RGPD1: variants seen among roughly 807,000 people sequenced by gnomAD.
The protein encoded by RGPD1 is RANBP2 like and GRIP domain containing 1.
RGPD1 carries 7 observed loss-of-function variants against 40.6 expected under a neutral mutation model. The ratio of observed to expected loss-of-function variants is 0.17; its 90% CI spans 0.10 to 0.32. RGPD1 has a LOEUF of 0.32. Among genes scored for constraint, RGPD1 ranks in the 10% least tolerant of loss-of-function variants. RGPD1 has a pLI of 1.00. For missense variants in RGPD1, 50 were observed against 472.5 expected, an observed-to-expected ratio of 0.11 and a Z score of 8.29; for synonymous variants, 24 against 167.0, an observed-to-expected ratio of 0.14 and a Z score of 6.60.
chr2:86,942,694 TGGCCTCGACGTGGCCCGGCGGC>T (rs978515699), intron 1 of RGPD1, among the ~76,000 whole-genome samples: 7 of 107,974 alleles, frequency 6.5e-5, no homozygotes, highest in Admixed American at 8.9e-5. Flanking sequence ...CGGGCGGCGG[TGGCCTCGACGTGGCCCGGCGGC>T]GGCCTCGATG....
At chr2:86,931,198 C>G (rs1678934714) in intron 1 of RGPD1, among the ~76,000 whole-genome samples, 1 of 149,898 alleles carries the variant, frequency 6.7e-6, no homozygotes, top group Non-Finnish European at 1.5e-5. Context: ...ATAGGATATC[C>G]TTTCTCCTGG....
intron 1 of RGPD1, among the ~76,000 whole-genome samples, chr2:86,942,926 C>T (rs1307741579): frequency 2.0e-5 from 3 of 152,036 alleles, no homozygotes; most frequent in African/African-American, 7.2e-5. Context: ...CGCTCGTGGG[C>T]CCGCCCTGGC....
At chr2:86,925,228 A>AT (rs201956842) in intron 1 of RGPD1, among the ~76,000 whole-genome samples, 38,560 of 150,022 alleles carry the variant, frequency 0.26, 5,488 homozygotes, top group East Asian at 0.43. Flanking sequence ...GATGAGCAGA[A>AT]TTTTTTATTT....
intron 20 of RGPD1, among the ~76,000 whole-genome samples, chr2:86,993,234 C>G (rs1338858011): frequency 6.6e-6 from 1 of 151,654 alleles, no homozygotes; most frequent in East Asian, 1.9e-4. Context: ...TCTAGACATG[C>G]ACACTGTAAC....
At chr2:86,926,737 G>A (rs1160352722) in intron 1 of RGPD1, among the ~76,000 whole-genome samples, 2 of 152,158 alleles carry the variant, frequency 1.3e-5, no homozygotes, top group Admixed American at 6.5e-5. Context: ...TTAATCCCAT[G>A]TGGTAGTTAA....
rs1322966012 is a variant in RGPD1, at chr2:86,918,197, C to G, written c.72+4276C>G. 4.6e-5 allele frequency among the ~76,000 whole-genome samples: 7 copies of G among 151,194 alleles called. 1 individual carries two copies. In the East Asian group the frequency reaches 5.8e-4, roughly 13 times the overall value. The stretch of plus-strand genomic sequence containing the variant: ...ACCATCTACTCTGTACTTATACCAT[C>G]TACTCTGTTAATGGTATAAGGCCTT... On this transcript the variant is annotated intron_variant, in intron 1 of 22. Transcript: ENST00000398193.
At chr2:86,943,385 A>G (rs1052557872) in intron 1 of RGPD1, among the ~76,000 whole-genome samples, 1 of 149,592 alleles carries the variant, frequency 6.7e-6, no homozygotes, top group Admixed American at 6.8e-5. Flanking sequence ...AACCTTTTCC[A>G]CAAATGTTTT....
intron 1 of RGPD1, among the ~76,000 whole-genome samples, chr2:86,943,526 T>C (rs1680085537): frequency 6.6e-6 from 1 of 152,138 alleles, no homozygotes; most frequent in African/African-American, 2.4e-5. Context: ...TGAGTCAGTT[T>C]GCTTTGGCTT....
At chr2:86,941,721 G>GT (rs949096977), upstream of RGPD1, among the ~76,000 whole-genome samples, 1,574 of 111,588 alleles carry the variant, frequency 0.014, 21 homozygotes, top group African/African-American at 0.073. Flanking sequence ...AATGCGCTTT[G>GT]TTTTTTTTTT....
intron 1 of RGPD1, among the ~76,000 whole-genome samples, chr2:86,924,305 G>A (rs531648552): frequency 2.6e-4 from 39 of 151,536 alleles, no homozygotes; most frequent in Middle Eastern, 6.8e-3. Context: ...ACAGGTATGC[G>A]CCACCATGCC....
At chr2:86,943,273 GC>G (rs1205312059) in intron 1 of RGPD1, among the ~76,000 whole-genome samples, 139 of 74,638 alleles carry the variant, frequency 1.9e-3, no homozygotes, top group Middle Eastern at 0.013. Context: ...CACCTCCCTC[GC>G]CCCCCCCCCA....
intron 1 of RGPD1, among the ~76,000 whole-genome samples, chr2:86,927,100 A>G (rs1339136101): frequency 6.6e-6 from 1 of 152,000 alleles, no homozygotes; most frequent in African/African-American, 2.4e-5. Context: ...TTTCCTTCCC[A>G]CTTAAATCAG....
intron 1 of RGPD1, among the ~76,000 whole-genome samples, chr2:86,931,767 A>G (rs1678982484): frequency 6.6e-6 from 1 of 150,454 alleles, no homozygotes; most frequent in Admixed American, 6.6e-5. Flanking sequence ...ATAAAACTAC[A>G]TAAAAATCGA....
intron 1 of RGPD1, among the ~76,000 whole-genome samples, chr2:86,924,929 T>TA (rs2104682464): frequency 1.4e-5 from 2 of 146,370 alleles, no homozygotes; most frequent in East Asian, 4.1e-4. Context: ...CTGGGCAACA[T>TA]ATTATATAGT....
intron 1 of RGPD1, chr2:86,930,805 C>A: frequency 1.0e-6 from 1 of 971,452 alleles, no homozygotes; most frequent in Non-Finnish European, 1.5e-6. Flanking sequence ...CCGCCAGCCG[C>A]CCCGCCCCTG....
At chr2:86,935,157 G>T (rs1474698043) in intron 1 of RGPD1, among the ~76,000 whole-genome samples, 1 of 147,088 alleles carries the variant, frequency 6.8e-6, no homozygotes, top group African/African-American at 2.5e-5. Context: ...ACCCTGTTTA[G>T]ATATGATGGT....
chr2:86,930,579 A>G, intron 1 of RGPD1: 1 of 1,611,128 alleles, frequency 6.2e-7, no homozygotes, highest in South Asian at 1.1e-5. Flanking sequence ...GAGCAGCCAG[A>G]ACCACCAGAG....
At chr2:86,997,043 T>G (rs962942551) in intron 21 of RGPD1, among the ~76,000 whole-genome samples, 196 of 148,120 alleles carry the variant, frequency 1.3e-3, no homozygotes, top group Non-Finnish European at 1.8e-3. Context: ...TACCCTGTGC[T>G]TCTGAGACAA....
chr2:86,942,044 A>G (rs1486229372), upstream of RGPD1, among the ~76,000 whole-genome samples: 1 of 151,570 alleles, frequency 6.6e-6, no homozygotes, highest in African/African-American at 2.4e-5. Flanking sequence ...GGGTGCTGCC[A>G]AGAGCCCGGC....
Sources: gnomAD v4.1 joint callset for allele counts (sites outside exome capture counted in the v4.1 genomes callset) on GRCh38, gnomAD v4.1.1 for gene constraint, MANE v1.5 for transcripts, NCBI Gene and HGNC (gene_info 2026-07-23, HGNC 2026-07-21) for gene names.